The following DST variants were observed in gnomAD, a reference collection of about 807,000 sequenced individuals.
DST encodes the protein dystonin.
In DST, 253 loss-of-function variants were observed where a neutral mutation model predicts 875.2. That is an observed-to-expected ratio of 0.29 (90% CI 0.26 to 0.32). DST has a LOEUF of 0.32. Among genes scored for constraint, DST ranks in the 10% least tolerant of loss-of-function variants. The probability of loss-of-function intolerance (pLI) is 1.00; values close to 1 mark genes in which losing one functional copy is unlikely to be tolerated. For missense variants in DST, 8,287 were observed against 9,111.6 expected, an observed-to-expected ratio of 0.91 and a Z score of 3.68; for synonymous variants, 3,124 against 3,197.1, an observed-to-expected ratio of 0.98 and a Z score of 0.77.
rs1468397907 is a variant in DST, at chr6:56,624,617, T to C, written c.4842A>G (p.Leu1614=). 2 of 1,610,904 alleles carry C rather than the reference T, an allele frequency of 1.2e-6. No homozygotes were observed. The highest frequency in any genetic ancestry group is 4.5e-5 in the East Asian group (2 of 44,840). ...TGACCAGGGCAGTATATCGAGTCCTTAGGTCCATGAACTGCAAGTAAGGAA... is the reference window on the plus strand; with the variant it reads ...TGACCAGGGCAGTATATCGAGTCCTCAGGTCCATGAACTGCAAGTAAGGAA... ...ADLIIQEFMD[L]RTRYTALVTL... The change falls in exon 36 of 104, where the codon CTA becomes CTG. Residue 1614 remains leucine, a synonymous_variant. Coordinates refer to ENST00000680361, the MANE Select transcript of DST (RefSeq NM_001374736.1).
At chr6:56,581,601 C>A (rs903467939) in intron 49 of DST, among the ~76,000 whole-genome samples, 1 of 152,236 alleles carries the variant, frequency 6.6e-6, no homozygotes, top group Non-Finnish European at 1.5e-5. Flanking sequence ...TTTGACCCTG[C>A]ATTTCTAACA....
At chr6:56,502,222 T>C (rs972100417) in intron 78 of DST, among the ~76,000 whole-genome samples, 3 of 152,102 alleles carry the variant, frequency 2.0e-5, no homozygotes, top group African/African-American at 4.8e-5. Flanking sequence ...TCTCTCTCCT[T>C]CTACTTTCTA....
intron 2 of DST, among the ~76,000 whole-genome samples, chr6:56,903,859 T>C (rs775815360): frequency 6.6e-6 from 1 of 152,220 alleles, no homozygotes; most frequent in Non-Finnish European, 1.5e-5. Flanking sequence ...CAGTTATTTC[T>C]TTTATACCCA....
chr6:56,732,245 C>A (rs1224060446), intron 5 of DST, among the ~76,000 whole-genome samples: 1 of 152,088 alleles, frequency 6.6e-6, no homozygotes, highest in Non-Finnish European at 1.5e-5. Context: ...GAGTGGCATA[C>A]ACTTGGTTAA....
chr6:56,824,566 T>C (rs928554780), intron 4 of DST, among the ~76,000 whole-genome samples: 2 of 149,458 alleles, frequency 1.3e-5, no homozygotes. Context: ...ATGAGGAGCG[T>C]CTCTGCCCGG....
rs572201630 is a variant in DST at position 56,552,601 on chromosome 6, C to A, written c.16191G>T (p.Gln5397His). ...FQNTIREMFS[Q>H]FAEFDDELDS... ...CCAGTTCATCATCAAACTCTGCGAA[C>A]TGAGAAAACATTTCTCGAATGGTAT... is the stretch of plus-strand genomic sequence containing the variant. The change falls in exon 61 of 104, where the codon CAG (glutamine) becomes CAT (histidine). Residue 5397 changes from glutamine (Q) to histidine (H), a missense_variant. Gln to His is a conservative substitution (Grantham distance 24). Transcript: ENST00000680361. The A allele has an allele frequency of 6.2e-7, 1 of 1,613,954 alleles. No homozygotes were observed. Among genetic ancestry groups the A allele is most frequent in the East Asian group, 2.2e-5 (1 of 44,884 alleles).
intron 9 of DST, among the ~76,000 whole-genome samples, chr6:56,690,904 A>G (rs2099224073): frequency 6.7e-6 from 1 of 148,508 alleles, no homozygotes; most frequent in Non-Finnish European, 1.5e-5. Flanking sequence ...GTGCCACAGA[A>G]TAAATAAATA....
intron 49 of DST, among the ~76,000 whole-genome samples, chr6:56,587,429 A>AT (rs2098177430): frequency 6.6e-6 from 1 of 152,226 alleles, no homozygotes; most frequent in African/African-American, 2.4e-5. Flanking sequence ...CCAAATCTGC[A>AT]TCTGATCAGT....
chr6:56,578,803 G>T lies in DST; in HGVS notation c.13027+11C>A. 1 of 1,611,414 alleles carries T rather than the reference G, an allele frequency of 6.2e-7. No homozygotes were observed. The highest frequency in any genetic ancestry group is 1.1e-5 in the South Asian group (1 of 90,432). The stretch of plus-strand genomic sequence containing the variant: ...CCTGTGAGACAGGAAGCAAGGACAT[G>T]AATATCTTACCAAGTGTTTTCTGGA... On this transcript the variant is annotated intron_variant, in intron 50 of 103. Coordinates refer to ENST00000680361, the MANE Select transcript of DST (RefSeq NM_001374736.1).
chr6:56,907,042 G>C (rs1239735230), intron 2 of DST, among the ~76,000 whole-genome samples: 1 of 152,042 alleles, frequency 6.6e-6, no homozygotes, highest in Non-Finnish European at 1.5e-5. Context: ...ACATCTCATG[G>C]GTAAGCCCAT....
intron 88 of DST, chr6:56,483,527 C>CTTTTTTTTTTTTTTTT (rs138042978): frequency 5.0e-5 from 3 of 60,040 alleles, no homozygotes; most frequent in African/African-American, 7.6e-5. Context: ...TCTGGGTTTG[C>CTTTTTTTTTTTTTTTT]TTTTTTTTTT....
At chr6:56,692,376 C>A in intron 9 of DST, 8 of 1,242,268 alleles carry the variant, frequency 6.4e-6, no homozygotes, top group Non-Finnish European at 8.3e-6. Flanking sequence ...TCAGACTCCA[C>A]ATTTCACTTA....
chr6:56,691,928 T>C (rs2099232893), intron 9 of DST, among the ~76,000 whole-genome samples: 1 of 152,192 alleles, frequency 6.6e-6, no homozygotes, highest in Admixed American at 6.5e-5. Context: ...AGAATCTGGC[T>C]TTTCAAACTC....
At chr6:56,525,388 C>A (rs1485944102) in intron 69 of DST, among the ~76,000 whole-genome samples, 1 of 152,166 alleles carries the variant, frequency 6.6e-6, no homozygotes, top group Admixed American at 6.6e-5. Context: ...AATTTCTTAG[C>A]CAGGGCTTTT....
chr6:56,665,413 A>C (rs2099067425), intron 10 of DST, among the ~76,000 whole-genome samples: 1 of 152,028 alleles, frequency 6.6e-6, no homozygotes, highest in Non-Finnish European at 1.5e-5. Context: ...GTTCATCGAT[A>C]ATTTTCATAT....
At chr6:56,750,315 CGTTCCAATTTTA>C (rs2099583600) in intron 4 of DST, among the ~76,000 whole-genome samples, 1 of 152,170 alleles carries the variant, frequency 6.6e-6, no homozygotes, top group Non-Finnish European at 1.5e-5. Context: ...CTTTCTGTAT[CGTTCCAATTTTA>C]GTATATGTGC....
In DST at chr6:56,466,123, A is replaced by C; in HGVS notation, c.22642T>G (p.Trp7548Gly). The change falls in exon 99 of 104, where the codon TGG (tryptophan) becomes GGG (glycine). Residue 7548 changes from tryptophan to glycine, a missense_variant. This residue lies in a region of DST where 87 missense variants were observed against 209.7 expected (regional missense o/e 0.41). Coordinates refer to ENST00000680361, the MANE Select transcript of DST (RefSeq NM_001374736.1). ...STVMVRVGGGWMALDEFLVKN... is the reference protein window; with the variant it reads ...STVMVRVGGGGMALDEFLVKN... ...ACTAAGAACTCATCAAGTGCCATCC[A>C]TCCACCTCCAACACGAACCATCACA... 1 of 1,613,492 alleles carries C rather than the reference A, an allele frequency of 6.2e-7. No homozygotes were observed. The highest frequency in any genetic ancestry group is 8.5e-7 in the Non-Finnish European group (1 of 1,179,730).
At chr6:56,764,841 C>T (rs1221107925) in intron 4 of DST, among the ~76,000 whole-genome samples, 1 of 152,004 alleles carries the variant, frequency 6.6e-6, no homozygotes, top group African/African-American at 2.4e-5. Context: ...CCTGTAATCC[C>T]AGCTACTCGG....
At chr6:56,939,980 C>T (rs373387325) in intron 2 of DST, among the ~76,000 whole-genome samples, 22 of 151,746 alleles carry the variant, frequency 1.4e-4, no homozygotes, top group East Asian at 7.8e-4. Flanking sequence ...GAGCCGAGAT[C>T]GTGCCACTGC....
Sources: gnomAD v4.1 joint callset for allele counts (sites outside exome capture counted in the v4.1 genomes callset) on GRCh38, gnomAD v4.1.1 for gene constraint, gnomAD v4.1.1 regional missense constraint, MANE v1.5 for transcripts, NCBI Gene and HGNC (gene_info 2026-07-23, HGNC 2026-07-21) for gene names.